The following VPS13D variants were observed in gnomAD, a reference collection of about 807,000 sequenced individuals.
The protein encoded by VPS13D is vacuolar protein sorting 13 homolog D.
VPS13D carries 187 observed loss-of-function variants against 461.9 expected under a neutral mutation model. The ratio of observed to expected loss-of-function variants is 0.40; its 90% CI spans 0.36 to 0.46. VPS13D has a LOEUF of 0.46. VPS13D is among the 20% of genes least tolerant of loss of function. The pLI, the probability that VPS13D is intolerant of heterozygous loss-of-function variation, is 0.60. For synonymous variants in VPS13D, 1,951 were observed against 1,986.3 expected (o/e 0.98, Z 0.47); for missense variants, 4,711 against 5,364.9 (o/e 0.88, Z 3.81).
intron 65 of VPS13D, among the ~76,000 whole-genome samples, chr1:12,450,376 A>G (rs530568): frequency 0.026 from 3,955 of 152,310 alleles, 85 homozygotes; most frequent in Non-Finnish European, 0.041. Context: ...CTTATTGCAG[A>G]CAATGCTGAT....
At chr1:12,273,748 C>T (rs114864748) in intron 18 of VPS13D, among the ~76,000 whole-genome samples, 1,534 of 152,186 alleles carry the variant, frequency 0.01, 37 homozygotes, top group African/African-American at 0.035. Context: ...TTCGTATAGC[C>T]GAATAATAGT....
chr1:12,233,004 T>A (rs949944667), intron 1 of VPS13D, among the ~76,000 whole-genome samples: 5 of 151,678 alleles, frequency 3.3e-5, no homozygotes, highest in African/African-American at 1.2e-4. Context: ...TTTCATGAGT[T>A]TCTTTTTCTT....
chr1:12,284,860 A>C (rs570002553), intron 21 of VPS13D, among the ~76,000 whole-genome samples: 7 of 152,308 alleles, frequency 4.6e-5, no homozygotes, highest in Non-Finnish European at 1.0e-4. Flanking sequence ...CTGGTGAATG[A>C]ATGACTTTGC....
rs911234161 is a variant in VPS13D, at chr1:12,422,812, G to A, written c.12333+5985G>A. The stretch of plus-strand genomic sequence containing the variant: ...GGTCACACAGCTAGAGGTGACAGGG[G>A]TGGATCTGAATCCAAGTCCAGCTAA... On this transcript the variant is annotated intron_variant, in intron 65 of 69. Transcript: ENST00000620676. 6.6e-5 allele frequency among the ~76,000 whole-genome samples: 10 copies of A among 151,092 alleles called. No individual in the cohort carries two copies. The East Asian group carries it at 1.9e-3, about 29-fold the overall frequency.
chr1:12,289,923 G>GC (rs1203124489), intron 22 of VPS13D, among the ~76,000 whole-genome samples: 1 of 152,042 alleles, frequency 6.6e-6, no homozygotes, highest in East Asian at 1.9e-4. Context: ...GCGACAGAGT[G>GC]AGACCCTGTC....
chr1:12,389,001 A>G (rs1644387513), intron 60 of VPS13D, among the ~76,000 whole-genome samples: 1 of 152,226 alleles, frequency 6.6e-6, no homozygotes, highest in African/African-American at 2.4e-5. Flanking sequence ...GTATATAAGT[A>G]TTAACTTACA....
intron 67 of VPS13D, among the ~76,000 whole-genome samples, chr1:12,482,770 TATATGTATACATAGTATAC>T (rs1362221755): frequency 4.1e-4 from 62 of 149,894 alleles, no homozygotes; most frequent in African/African-American, 1.5e-3. Flanking sequence ...ATAGTATACA[TATATGTATACATAGTATAC>T]ATATATATAT....
At chr1:12,281,061 C>A (rs1641764189) in intron 20 of VPS13D, among the ~76,000 whole-genome samples, 1 of 149,030 alleles carries the variant, frequency 6.7e-6, no homozygotes, top group Admixed American at 6.7e-5. Flanking sequence ...TTTGTTTTAT[C>A]TATTTTTTTT....
chr1:12,482,175 C>T (rs562369975), intron 67 of VPS13D, among the ~76,000 whole-genome samples: 1 of 152,324 alleles, frequency 6.6e-6, no homozygotes, highest in Non-Finnish European at 1.5e-5. Context: ...TCACCACCAG[C>T]TAGGATAGTA....
rs767617549 is a variant in VPS13D at position 12,356,064 on chromosome 1, C to T, written c.9845C>T (p.Ala3282Val). 4.3e-6 allele frequency: 7 copies of T among 1,613,120 alleles called. No individual in the cohort carries two copies. The highest frequency in any genetic ancestry group is 1.1e-5 in the South Asian group (1 of 90,950). ...GGATCCTTAAAGATCTTCATTTCTG[C>T]TCCATATTGGCTGATTAACAAAACA... ...AEGSLKIFISAPYWLINKTGL... is the reference protein window; with the variant it reads ...AEGSLKIFISVPYWLINKTGL... Residue 3282 changes from alanine (A) to valine (V), a missense_variant, in exon 48 of 70, where the codon GCT (alanine) becomes GTT (valine). Around this residue, in one of 3 missense-constraint regions of VPS13D, gnomAD observed 4,411 missense variants for 4,937.8 expected, o/e 0.89. Coordinates refer to ENST00000620676, the MANE Select transcript of VPS13D (RefSeq NM_015378.4).
intron 34 of VPS13D, 145 bp downstream of exon 34, chr1:12,322,891 C>A: frequency 1.4e-6 from 1 of 704,896 alleles, no homozygotes; most frequent in Non-Finnish European, 2.3e-6. Context: ...GTATGACTCT[C>A]TCATTTTTTA....
At chr1:12,412,226 G>A (rs886289200) in intron 63 of VPS13D, among the ~76,000 whole-genome samples, 1 of 152,246 alleles carries the variant, frequency 6.6e-6, no homozygotes, top group Non-Finnish European at 1.5e-5. Flanking sequence ...AGTTGTCGTT[G>A]CTCCTCAAAT....
At chr1:12,358,085 A>T (rs1643902492) in intron 49 of VPS13D, among the ~76,000 whole-genome samples, 2 of 152,054 alleles carry the variant, frequency 1.3e-5, no homozygotes, top group African/African-American at 2.4e-5. Flanking sequence ...TGTGCTTTTT[A>T]AAATGAACCC....
Position 12,279,291 on chromosome 1 carries a change from G to T in VPS13D, c.4451-208G>T, listed in dbSNP as rs537797047. On this transcript the variant is annotated intron_variant, in intron 19 of 69. Transcript: ENST00000620676. The surrounding 1 kb of genome is among the most constrained non-coding windows in gnomAD (Gnocchi z 4.3). ...ATATTGTTTCTTTTTTTGTGTAAAT[G>T]TATCTTGTACCTCAGCTTGCTATGA... Among the ~76,000 whole-genome samples the T allele has an allele frequency of 1.3e-5, 2 of 152,242 alleles. No individual in the cohort carries two copies. Among genetic ancestry groups the T allele is most frequent in the East Asian group, 3.9e-4 (2 of 5,178 alleles).
chr1:12,500,983 GGTCAA>G, intron 68 of VPS13D, among the ~76,000 whole-genome samples: 1 of 151,956 alleles, frequency 6.6e-6, no homozygotes, highest in Non-Finnish European at 1.5e-5. Context: ...GAGCCTGGGA[GGTCAA>G]GGCTGCAGTG....
Position 12,277,263 on chromosome 1 carries a change from G to C in VPS13D, c.3675G>C (p.Leu1225Phe), listed in dbSNP as rs1641642339. Residue 1225 changes from leucine to phenylalanine, a missense_variant, in exon 19 of 70, where the codon TTG becomes TTC. Leu to Phe is a conservative substitution (Grantham distance 22). This residue lies in a region of VPS13D where 4,411 missense variants were observed against 4,937.8 expected (regional missense o/e 0.89). Coordinates refer to ENST00000620676, the MANE Select transcript of VPS13D (RefSeq NM_015378.4). ...GSLGCLQLMD[L>F]TQDNVKNQYV... ...TTGGCTGTTTACAGCTTATGGATTT[G>C]ACACAAGATAACGTTAAAAACCAGT... 6.2e-7 allele frequency: 1 copy of C among 1,614,162 alleles called. No individual in the cohort carries two copies. The highest frequency in any genetic ancestry group is 8.5e-7 in the Non-Finnish European group (1 of 1,180,032).
chr1:12,303,527 A>C (rs180894434), intron 25 of VPS13D, among the ~76,000 whole-genome samples: 1 of 152,360 alleles, frequency 6.6e-6, no homozygotes, highest in African/African-American at 2.4e-5. Context: ...AAATAATGAC[A>C]TTTACCTAGT....
At chr1:12,372,798 AC>A (rs1644138846) in intron 54 of VPS13D, among the ~76,000 whole-genome samples, 1 of 141,930 alleles carries the variant, frequency 7.0e-6, no homozygotes, top group African/African-American at 2.6e-5. Flanking sequence ...TTAATCCATT[AC>A]CTTTTTTTTT....
chr1:12,425,662 A>T (rs1462449309), intron 65 of VPS13D, among the ~76,000 whole-genome samples: 1 of 143,038 alleles, frequency 7.0e-6, no homozygotes, highest in East Asian at 2.4e-4. Context: ...ATGCTCTCTC[A>T]TGTAACTTTC....
Sources: gnomAD v4.1 joint callset for allele counts (sites outside exome capture counted in the v4.1 genomes callset) on GRCh38, gnomAD v4.1.1 for gene constraint, gnomAD v4.1.1 regional missense constraint, Gnocchi (gnomAD v3.1) non-coding constraint, MANE v1.5 for transcripts, NCBI Gene and HGNC (gene_info 2026-07-23, HGNC 2026-07-21) for gene names.